Variants in ITSN2 observed in about 807,000 individuals in gnomAD.
ITSN2 encodes intersectin-2.
In ITSN2, 156 loss-of-function variants were observed where a neutral mutation model predicts 243.7. That is an observed-to-expected ratio of 0.64 (90% CI 0.56 to 0.73). The LOEUF is 0.73. ITSN2 is among the 30% of genes least tolerant of loss of function. ITSN2 has a pLI of 0.00. For missense variants in ITSN2, 1,801 were observed against 1,996.1 expected, an observed-to-expected ratio of 0.90 and a Z score of 1.86; for synonymous variants, 703 against 699.9, an observed-to-expected ratio of 1.00 and a Z score of -0.07.
At chr2:24,247,544 T>C (rs1673547093) in intron 27 of ITSN2, among the ~76,000 whole-genome samples, 2 of 152,178 alleles carry the variant, frequency 1.3e-5, no homozygotes, top group Admixed American at 6.5e-5. Context: ...GTTTCAAATA[T>C]GAGCATGATC....
chr2:24,313,665 T>C (rs1683540473), intron 3 of ITSN2, 142 bp from the exon 4 acceptor site: 1 of 546,840 alleles, frequency 1.8e-6, no homozygotes, highest in Admixed American at 3.7e-5. Context: ...TAGAAACACA[T>C]AAAAATTATT....
intron 8 of ITSN2, among the ~76,000 whole-genome samples, chr2:24,307,318 G>A (rs941999150): frequency 6.6e-6 from 1 of 151,014 alleles, no homozygotes; most frequent in Admixed American, 6.6e-5. Flanking sequence ...ATCACTAATT[G>A]TAGCACACAT....
At chr2:24,316,881 A>G in intron 2 of ITSN2, among the ~76,000 whole-genome samples, 1 of 152,218 alleles carries the variant, frequency 6.6e-6, no homozygotes, top group East Asian at 1.9e-4. Flanking sequence ...AAAAGGAAGT[A>G]GCCTTCACCT....
chr2:24,340,823 G>A (rs1255471074), intron 1 of ITSN2, among the ~76,000 whole-genome samples: 1 of 152,080 alleles, frequency 6.6e-6, no homozygotes, highest in African/African-American at 2.4e-5. Flanking sequence ...CAGAGATTGG[G>A]AATACTTGTA....
At position 24,209,125 on chromosome 2, in the gene ITSN2, G is replaced by GACCC. The variant is rs1669225112; in HGVS notation, c.4569_4570insGGGT (p.Leu1524GlyfsTer8). The GACCC allele has an allele frequency of 6.2e-7, 1 of 1,614,018 alleles. No homozygotes were observed. ...CTCTCATTAATGTTGTCTGTTCGGA[G>GACCC]GGTGTAGACCCGATCAATGTGGGAA... On this transcript the variant is annotated frameshift_variant, in exon 36 of 40. Coordinates refer to ENST00000355123, the MANE Select transcript of ITSN2 (RefSeq NM_006277.3). LOFTEE classifies it high-confidence loss of function.
intron 17 of ITSN2, among the ~76,000 whole-genome samples, chr2:24,284,334 C>G (rs1305497094): frequency 6.6e-6 from 1 of 152,156 alleles, no homozygotes; most frequent in Non-Finnish European, 1.5e-5. Flanking sequence ...TAGGAAGCAG[C>G]TTGGTGCATA....
chr2:24,246,395 C>T, intron 28 of ITSN2, 75 bp from the exon 29 acceptor site: 1 of 783,306 alleles, frequency 1.3e-6, no homozygotes, highest in East Asian at 3.0e-5. Context: ...TGTAATCTCC[C>T]TAGGATTTAA....
chr2:24,278,803 C>T (rs1678379084), intron 17 of ITSN2, among the ~76,000 whole-genome samples: 1 of 152,002 alleles, frequency 6.6e-6, no homozygotes, highest in African/African-American at 2.4e-5. Context: ...AGGCTCATGC[C>T]ACCACGCCCG....
chr2:24,225,854 T>G lies in ITSN2; in HGVS notation c.3578-4788A>C, dbSNP rs1670980989. Among the ~76,000 whole-genome samples the G allele has an allele frequency of 6.6e-6, 1 of 152,174 alleles. No individual in the cohort carries two copies. The highest frequency in any genetic ancestry group is 1.5e-5 in the Non-Finnish European group (1 of 68,032). On this transcript the variant is annotated intron_variant, in intron 29 of 39. Coordinates refer to ENST00000355123, the MANE Select transcript of ITSN2 (RefSeq NM_006277.3). This position sits in a 1 kb window ranked among gnomAD's most constrained non-coding sequence, Gnocchi z 4.2. ...TTTTGAGAGGAGGGAGGGTAACATC[T>G]TTTTTGTCCTGAGAAAAGTCCTGAT...
chr2:24,260,899 G>A (rs1179582507), intron 22 of ITSN2, among the ~76,000 whole-genome samples: 4 of 32,170 alleles, frequency 1.2e-4, no homozygotes, highest in African/African-American at 2.3e-4. Context: ...GTGAGGCTCC[G>A]TCTCAAAAAA....
intron 31 of ITSN2, chr2:24,216,440 A>G: frequency 2.3e-6 from 1 of 432,570 alleles, no homozygotes; most frequent in Non-Finnish European, 4.1e-6. Context: ...TCAGCAAAGA[A>G]AAAAAAAGTA....
At chr2:24,244,115 G>A (rs1381876386) in intron 29 of ITSN2, among the ~76,000 whole-genome samples, 1 of 152,148 alleles carries the variant, frequency 6.6e-6, no homozygotes, top group Admixed American at 6.5e-5. Flanking sequence ...TGACAAATGT[G>A]TCCTTGAATA....
intron 1 of ITSN2, among the ~76,000 whole-genome samples, chr2:24,359,476 C>T (rs2702137): frequency 0.98 from 148,925 of 152,290 alleles, 72,814 homozygotes; most frequent in East Asian, 0.99. Context: ...TCAGTATTAA[C>T]ACAAGTTTCA....
chr2:24,329,074 T>C (rs1024765581), intron 1 of ITSN2, among the ~76,000 whole-genome samples: 29 of 152,186 alleles, frequency 1.9e-4, no homozygotes, highest in African/African-American at 7.0e-4. Flanking sequence ...TGCAGAAGTA[T>C]TTTTTAAAGT....
intron 15 of ITSN2, among the ~76,000 whole-genome samples, chr2:24,289,784 T>C (rs1558561456): frequency 6.6e-6 from 1 of 152,166 alleles, no homozygotes; most frequent in African/African-American, 2.4e-5. Context: ...TAAAACATTA[T>C]GAGATTTTTT....
intron 22 of ITSN2, among the ~76,000 whole-genome samples, chr2:24,259,934 T>G (rs577125227): frequency 4.6e-5 from 7 of 152,304 alleles, no homozygotes; most frequent in Admixed American, 3.3e-4. Context: ...TTTTAAAAAT[T>G]GTTTTAGAGA....
chr2:24,205,349 C>G (rs772834059), intron 37 of ITSN2, 52 bp from the exon 38 acceptor site: 36 of 1,502,194 alleles, frequency 2.4e-5, no homozygotes, highest in Non-Finnish European at 2.9e-5. Flanking sequence ...GGATGCAGAC[C>G]CTGTCTTTCA....
At chr2:24,316,233 C>A (rs1465732401) in intron 2 of ITSN2, among the ~76,000 whole-genome samples, 1 of 152,044 alleles carries the variant, frequency 6.6e-6, no homozygotes, top group East Asian at 1.9e-4. Context: ...TGACCCCATA[C>A]CCTGGAAGTT....
At chr2:24,293,646 C>A in intron 15 of ITSN2, 42 bp downstream of exon 15, 2 of 706,748 alleles carry the variant, frequency 2.8e-6, no homozygotes, top group South Asian at 1.9e-5. Flanking sequence ...TACAGTCATT[C>A]AGAAAAGGAT....
Sources: gnomAD v4.1 joint callset for allele counts (sites outside exome capture counted in the v4.1 genomes callset) on GRCh38, gnomAD v4.1.1 for gene constraint, Gnocchi (gnomAD v3.1) non-coding constraint, MANE v1.5 for transcripts, NCBI Gene and HGNC (gene_info 2026-07-23, HGNC 2026-07-21) for gene names.